DOK5: variants seen among roughly 807,000 people sequenced by gnomAD.
The protein encoded by DOK5 is downstream of tyrosine kinase 5.
Under a neutral mutation model 43.3 loss-of-function variants are expected in DOK5, and 27 were observed. The observed-to-expected ratio is 0.62, with a 90% CI of 0.46 to 0.86. The LOEUF is 0.86. DOK5 is among the 40% of genes least tolerant of loss of function. The pLI, the probability that DOK5 is intolerant of heterozygous loss-of-function variation, is 0.00. For missense variants in DOK5, 373 were observed against 392.9 expected (o/e 0.95, Z 0.43); for synonymous variants, 146 against 140.1 (o/e 1.04, Z -0.30).
intron 6 of DOK5, among the ~76,000 whole-genome samples, chr20:54,631,700 G>A (rs1323697148): frequency 2.6e-5 from 4 of 152,090 alleles, no homozygotes; most frequent in South Asian, 4.2e-4. Context: ...TAGGCCAGGC[G>A]CAGTGGCTCA....
intron 5 of DOK5, among the ~76,000 whole-genome samples, chr20:54,595,525 G>T (rs1986113964): frequency 6.6e-6 from 1 of 152,112 alleles, no homozygotes; most frequent in Admixed American, 6.5e-5. Flanking sequence ...GAAGATATAA[G>T]TGTTTTATCC....
At chr20:54,486,226 T>G (rs1371403209) in intron 1 of DOK5, among the ~76,000 whole-genome samples, 2 of 152,162 alleles carry the variant, frequency 1.3e-5, no homozygotes, top group Admixed American at 1.3e-4. Context: ...CTCCAGCACT[T>G]TTTTGAAAAG....
chr20:54,582,813 A>G (rs1430102098), intron 2 of DOK5, among the ~76,000 whole-genome samples: 1 of 151,920 alleles, frequency 6.6e-6, no homozygotes, highest in African/African-American at 2.4e-5. Context: ...ATCTTTCAAA[A>G]ACCAATTCTT....
At chr20:54,550,803 A>G (rs1228366169) in intron 1 of DOK5, among the ~76,000 whole-genome samples, 1 of 152,190 alleles carries the variant, frequency 6.6e-6, no homozygotes, top group African/African-American at 2.4e-5. Flanking sequence ...CCACAGAAGG[A>G]TTTCCACATT....
At chr20:54,511,798 T>C (rs1237871114) in intron 1 of DOK5, among the ~76,000 whole-genome samples, 2 of 152,230 alleles carry the variant, frequency 1.3e-5, no homozygotes, top group African/African-American at 4.8e-5. Context: ...GGTTGCAAGA[T>C]GACTGCAGCA....
intron 6 of DOK5, among the ~76,000 whole-genome samples, chr20:54,630,362 C>A (rs187262055): frequency 1.2e-3 from 181 of 152,202 alleles, no homozygotes; most frequent in Non-Finnish European, 1.7e-3. Flanking sequence ...TTAACCAGAA[C>A]AACATGTAGA....
chr20:54,514,586 CTTTTTTTTTTTT>C (rs199776939), intron 1 of DOK5, among the ~76,000 whole-genome samples: 1 of 100,968 alleles, frequency 9.9e-6, no homozygotes, highest in Non-Finnish European at 2.0e-5. Flanking sequence ...AAGTTTTACT[CTTTTTTTTTTTT>C]TTTTTTTTTG....
At chr20:54,603,940 ATTTTTTTTTTTT>A (rs35690531) in intron 5 of DOK5, among the ~76,000 whole-genome samples, 2 of 76,276 alleles carry the variant, frequency 2.6e-5, no homozygotes, top group Non-Finnish European at 4.8e-5. Flanking sequence ...TTCAAACTGT[ATTTTTTTTTTTT>A]TTTTTTTTTT....
chr20:54,603,124 C>T (rs1986348952), intron 5 of DOK5, among the ~76,000 whole-genome samples: 1 of 152,238 alleles, frequency 6.6e-6, no homozygotes, highest in South Asian at 2.1e-4. Flanking sequence ...AAAGATTTGA[C>T]AACCATCATG....
chr20:54,650,698 T>C lies in DOK5; in HGVS notation c.*219T>C. ...GTAATTGAAACGTGCTCTATAGATA[T>C]TGACTCTGTGTTCCCTCTTTTACAG... On this transcript the variant is annotated 3_prime_UTR_variant, in exon 8 of 8. Coordinates refer to ENST00000262593, the MANE Select transcript of DOK5 (RefSeq NM_018431.5). The C allele has an allele frequency of 2.3e-6, 1 of 438,744 alleles. No individual in the cohort carries two copies. 27.2% of individuals were successfully genotyped at this position (438,744 alleles called of 1,614,324 possible).
chr20:54,514,966 C>T (rs1279187229), intron 1 of DOK5, among the ~76,000 whole-genome samples: 1 of 150,968 alleles, frequency 6.6e-6, no homozygotes, highest in East Asian at 2.0e-4. Context: ...AATAAATAAT[C>T]TTACTGTTCT....
intron 6 of DOK5, among the ~76,000 whole-genome samples, chr20:54,620,946 G>T (rs555166456): frequency 6.6e-6 from 1 of 152,246 alleles, no homozygotes; most frequent in East Asian, 1.9e-4. Flanking sequence ...CCACCACAAG[G>T]GGACAGATTA....
At chr20:54,594,246 G>A (rs1049028053) in intron 5 of DOK5, among the ~76,000 whole-genome samples, 1 of 152,104 alleles carries the variant, frequency 6.6e-6, no homozygotes, top group African/African-American at 2.4e-5. Flanking sequence ...AAAAAAATTA[G>A]CCAGGCATAG....
At chr20:54,493,313 G>A (rs1056723045) in intron 1 of DOK5, among the ~76,000 whole-genome samples, 5 of 152,072 alleles carry the variant, frequency 3.3e-5, no homozygotes, top group African/African-American at 1.2e-4. Flanking sequence ...CAAAATCAGT[G>A]CATGAGCCCA....
intron 1 of DOK5, among the ~76,000 whole-genome samples, chr20:54,479,388 G>C (rs1430497792): frequency 6.6e-6 from 1 of 152,108 alleles, no homozygotes; most frequent in Admixed American, 6.6e-5. Flanking sequence ...GGGGCTGGGG[G>C]AAGGAGGGGA....
rs555158940 is a variant in DOK5, at chr20:54,517,084, T to G, written c.67-37849T>G. 6.6e-5 allele frequency among the ~76,000 whole-genome samples: 10 copies of G among 152,336 alleles called. No individual in the cohort carries two copies. The South Asian group carries it at 2.1e-3, about 32-fold the overall frequency. Reference sequence around the variant, plus strand: ...ATTTGAGAGTTTGAAAATAATGTTGTGTGCAAAATCCCTAAGGAATTAGCA... The same window carrying G: ...ATTTGAGAGTTTGAAAATAATGTTGGGTGCAAAATCCCTAAGGAATTAGCA... On this transcript the variant is annotated intron_variant, in intron 1 of 7. Transcript: ENST00000262593.
intron 1 of DOK5, among the ~76,000 whole-genome samples, chr20:54,511,296 A>G (rs958759898): frequency 2.6e-5 from 4 of 152,338 alleles, no homozygotes; most frequent in Middle Eastern, 6.8e-3. Flanking sequence ...TGCCTGATAC[A>G]TAGTAGGTGC....
At chr20:54,542,071 G>A (rs559280618) in intron 1 of DOK5, among the ~76,000 whole-genome samples, 34 of 150,184 alleles carry the variant, frequency 2.3e-4, no homozygotes, top group African/African-American at 7.7e-4. Flanking sequence ...CCTTCGTGGT[G>A]CATCACACCA....
intron 1 of DOK5, among the ~76,000 whole-genome samples, chr20:54,532,472 A>G (rs1315564331): frequency 6.6e-6 from 1 of 152,218 alleles, no homozygotes; most frequent in Admixed American, 6.5e-5. Context: ...AGATTGTTCC[A>G]CATAGATGCA....
Sources: allele counts gnomAD v4.1 joint callset (sites outside exome capture counted in the v4.1 genomes callset), GRCh38; gene constraint gnomAD v4.1.1; transcripts MANE v1.5; gene names NCBI Gene and HGNC (gene_info 2026-07-23, HGNC 2026-07-21).